The following KCND3 variants were observed in gnomAD, a reference collection of about 807,000 sequenced individuals.
The protein encoded by KCND3 is potassium voltage-gated channel subfamily D member 3.
KCND3 carries 9 observed loss-of-function variants against 51.1 expected under a neutral mutation model. That is an observed-to-expected ratio of 0.18 (90% CI 0.11 to 0.31). KCND3 has a LOEUF of 0.31. KCND3 is among the 10% of genes least tolerant of loss of function. The pLI, the probability that KCND3 is intolerant of heterozygous loss-of-function variation, is 1.00. For synonymous variants in KCND3, 349 were observed against 368.0 expected, an observed-to-expected ratio of 0.95 and a Z score of 0.59; for missense variants, 526 against 903.8, an observed-to-expected ratio of 0.58 and a Z score of 5.36.
At chr1:111,945,698 T>C (rs890915256) in intron 2 of KCND3, among the ~76,000 whole-genome samples, 61 of 152,282 alleles carry the variant, frequency 4.0e-4, no homozygotes, top group Middle Eastern at 3.4e-3. Flanking sequence ...TGCTCAAAAG[T>C]CCCCAGCAGC....
At chr1:111,778,319 C>G in intron 6 of KCND3, 117 bp downstream of exon 6, 5 of 946,718 alleles carry the variant, frequency 5.3e-6, no homozygotes, top group Non-Finnish European at 8.7e-6. Flanking sequence ...GTAGGAGGAG[C>G]CCCAGAAGAA....
At chr1:111,973,834 G>A (rs773969389) in intron 2 of KCND3, among the ~76,000 whole-genome samples, 18 of 152,192 alleles carry the variant, frequency 1.2e-4, no homozygotes, top group Non-Finnish European at 2.4e-4. Context: ...ATTATGATGC[G>A]TTGGCTCAGT....
chr1:111,881,665 G>A (rs1222546645), intron 2 of KCND3, among the ~76,000 whole-genome samples: 2 of 152,178 alleles, frequency 1.3e-5, no homozygotes, highest in Admixed American at 6.5e-5. Context: ...AGGGCAAAGG[G>A]CAGGGGCATG....
chr1:111,782,560 C>T (rs1445516913), intron 3 of KCND3, among the ~76,000 whole-genome samples: 3 of 152,194 alleles, frequency 2.0e-5, no homozygotes, highest in African/African-American at 7.2e-5. Context: ...AAGCAAGTTC[C>T]TCATCATTTG....
intron 2 of KCND3, among the ~76,000 whole-genome samples, chr1:111,886,333 C>T (rs1370198937): frequency 1.3e-5 from 2 of 152,158 alleles, no homozygotes; most frequent in Admixed American, 1.3e-4. Context: ...TTTCTGTCTG[C>T]TATATTTTTG....
chr1:111,827,119 T>C (rs1425773206), intron 2 of KCND3, among the ~76,000 whole-genome samples: 1 of 152,258 alleles, frequency 6.6e-6, no homozygotes, highest in East Asian at 1.9e-4. Flanking sequence ...TGTATGATTA[T>C]TTCCAGTTTT....
chr1:111,784,634 C>T (rs1664531760), intron 3 of KCND3, among the ~76,000 whole-genome samples: 1 of 152,226 alleles, frequency 6.6e-6, no homozygotes, highest in Non-Finnish European at 1.5e-5. Flanking sequence ...TCCACCAAAT[C>T]CTCTGGACCT....
chr1:111,790,863 G>A (rs2101509853), intron 2 of KCND3, among the ~76,000 whole-genome samples: 1 of 152,264 alleles, frequency 6.6e-6, no homozygotes, highest in South Asian at 2.1e-4. Flanking sequence ...CACTGACTGT[G>A]TTTTCAAGGT....
chr1:111,969,300 T>A (rs1674195817), intron 2 of KCND3, among the ~76,000 whole-genome samples: 1 of 151,932 alleles, frequency 6.6e-6, no homozygotes, highest in South Asian at 2.1e-4. Context: ...AGCCCAAGAG[T>A]CTTTGGTCCT....
chr1:111,810,982 C>G (rs775542011), intron 2 of KCND3, among the ~76,000 whole-genome samples: 1 of 152,212 alleles, frequency 6.6e-6, no homozygotes, highest in Admixed American at 6.5e-5. Context: ...CTGCCTGTCA[C>G]CCCTCCAGCT....
chr1:111,975,419 A>G (rs1274759615), intron 2 of KCND3, among the ~76,000 whole-genome samples: 1 of 152,184 alleles, frequency 6.6e-6, no homozygotes, highest in Non-Finnish European at 1.5e-5. Context: ...TGGTGGGAGC[A>G]GGACCAACAA....
chr1:111,816,974 C>T (rs555889889), intron 2 of KCND3, among the ~76,000 whole-genome samples: 3 of 152,168 alleles, frequency 2.0e-5, no homozygotes, highest in African/African-American at 4.8e-5. Context: ...CCTGGATGTG[C>T]ACATACATGC....
intron 2 of KCND3, among the ~76,000 whole-genome samples, chr1:111,919,212 GAGAC>G (rs1210410563): frequency 2.7e-5 from 4 of 149,998 alleles, no homozygotes; most frequent in African/African-American, 9.9e-5. Context: ...CTAGATTGGG[GAGAC>G]AGACAGTAAA....
chr1:111,860,792 C>A (rs569906732), intron 2 of KCND3, among the ~76,000 whole-genome samples: 23 of 152,316 alleles, frequency 1.5e-4, no homozygotes, highest in African/African-American at 5.1e-4. Flanking sequence ...TCCATTTAGT[C>A]CTCCCGGGTT....
At chr1:111,891,396 C>A (rs1266500616) in intron 2 of KCND3, among the ~76,000 whole-genome samples, 1 of 152,206 alleles carries the variant, frequency 6.6e-6, no homozygotes, top group African/African-American at 2.4e-5. Flanking sequence ...AACAGAATGT[C>A]TGAGTGCCAG....
chr1:111,803,585 T>A (rs752496345), intron 2 of KCND3, among the ~76,000 whole-genome samples: 2 of 152,090 alleles, frequency 1.3e-5, no homozygotes, highest in Non-Finnish European at 2.9e-5. Flanking sequence ...ACACATACAC[T>A]CACACCAGGT....
intron 2 of KCND3, among the ~76,000 whole-genome samples, chr1:111,828,628 C>T (rs376802728): frequency 6.6e-6 from 1 of 152,132 alleles, no homozygotes. Flanking sequence ...TCACTGTTAC[C>T]CCAGGTGAGC....
intron 2 of KCND3, among the ~76,000 whole-genome samples, chr1:111,915,192 G>C (rs1310618135): frequency 2.0e-5 from 3 of 152,116 alleles, no homozygotes; most frequent in Non-Finnish European, 4.4e-5. Context: ...GTAAGGCAGA[G>C]AGGAAAACAT....
chr1:111,891,728 T>C (rs1163107680), intron 2 of KCND3, among the ~76,000 whole-genome samples: 1 of 152,354 alleles, frequency 6.6e-6, no homozygotes, highest in Non-Finnish European at 1.5e-5. Context: ...TTTGTCTGCC[T>C]TGTTGACAGT....
Sources: allele counts gnomAD v4.1 joint callset (sites outside exome capture counted in the v4.1 genomes callset), GRCh38; gene constraint gnomAD v4.1.1; transcripts MANE v1.5; gene names NCBI Gene and HGNC (gene_info 2026-07-23, HGNC 2026-07-21).